The following WDTC1 variants were observed in gnomAD, a reference collection of about 807,000 sequenced individuals.
WDTC1 encodes the protein WD and tetratricopeptide repeats 1, also known as WD and tetratricopeptide repeats protein 1.
WDTC1 carries 12 observed loss-of-function variants against 76.0 expected under a neutral mutation model. The observed-to-expected ratio is 0.16, with a 90% CI of 0.10 to 0.26. The LOEUF (loss-of-function observed/expected upper bound fraction) is 0.26. WDTC1 is among the 10% of genes least tolerant of loss of function. The pLI, the probability that WDTC1 is intolerant of heterozygous loss-of-function variation, is 1.00. For missense variants in WDTC1, 511 were observed against 908.8 expected (o/e 0.56, Z 5.63); for synonymous variants, 326 against 350.8 (o/e 0.93, Z 0.79).
At position 27,263,201 on chromosome 1, in the gene WDTC1, T is replaced by C; in HGVS notation, c.98T>C (p.Phe33Ser). Reference sequence around the variant, plus strand: ...CGGCGCTACCATGTCACTGACCCCTTTATCCGGCGGCTGGGCCTGGAAGCA... The same window carrying C: ...CGGCGCTACCATGTCACTGACCCCTCTATCCGGCGGCTGGGCCTGGAAGCA... ...FERRYHVTDP[F>S]IRRLGLEAEL... The change falls in exon 3 of 16, where the codon TTT becomes TCT. Residue 33 changes from phenylalanine to serine, a missense_variant. Transcript: ENST00000319394. 1.9e-5 allele frequency: 31 copies of C among 1,613,580 alleles called. No homozygotes were observed. Among genetic ancestry groups the C allele is most frequent in the Non-Finnish European group, 2.6e-5 (31 of 1,179,836 alleles).
intron 1 of WDTC1, among the ~76,000 whole-genome samples, chr1:27,236,950 G>C (rs1307393108): frequency 6.6e-6 from 1 of 152,108 alleles, no homozygotes; most frequent in East Asian, 1.9e-4. Flanking sequence ...GCAATTCTCT[G>C]CTTCAGCCTC....
intron 3 of WDTC1, among the ~76,000 whole-genome samples, chr1:27,279,667 A>G (rs1301196227): frequency 1.3e-5 from 2 of 152,054 alleles, no homozygotes; most frequent in Non-Finnish European, 2.9e-5. Flanking sequence ...CCCGGATTCA[A>G]GTGATCCTCA....
intron 1 of WDTC1, among the ~76,000 whole-genome samples, chr1:27,242,582 G>A (rs553570502): frequency 2.5e-4 from 38 of 152,072 alleles, no homozygotes; most frequent in Non-Finnish European, 4.0e-4. Flanking sequence ...TGATTCTCCT[G>A]CCTCAGCCTC....
At chr1:27,264,316 G>T (rs1336524114) in intron 3 of WDTC1, among the ~76,000 whole-genome samples, 1 of 151,892 alleles carries the variant, frequency 6.6e-6, no homozygotes, top group South Asian at 2.1e-4. Context: ...AGAAAGCCAG[G>T]TTCAATGACA....
At chr1:27,263,758 C>T (rs1348322882) in intron 3 of WDTC1, among the ~76,000 whole-genome samples, 7 of 152,108 alleles carry the variant, frequency 4.6e-5, no homozygotes, top group African/African-American at 1.7e-4. Context: ...ATATTATTTG[C>T]TTTAAAAAAG....
intron 13 of WDTC1, among the ~76,000 whole-genome samples, chr1:27,302,539 A>G (rs969406571): frequency 1.3e-5 from 2 of 152,114 alleles, no homozygotes; most frequent in Non-Finnish European, 2.9e-5. Context: ...GTTCAATATC[A>G]GCTAGGACAA....
At chr1:27,263,902 T>C (rs1031888022) in intron 3 of WDTC1, among the ~76,000 whole-genome samples, 12 of 151,800 alleles carry the variant, frequency 7.9e-5, no homozygotes, top group African/African-American at 1.5e-4. Context: ...TACATATACA[T>C]ATACACATAA....
chr1:27,272,715 C>G (rs1040940283), intron 3 of WDTC1, among the ~76,000 whole-genome samples: 3 of 152,012 alleles, frequency 2.0e-5, no homozygotes, highest in African/African-American at 2.4e-5. Flanking sequence ...GAGTTGGAGA[C>G]CAGCCTGGGT....
chr1:27,294,472 A>C (rs911399097), intron 8 of WDTC1, 42 bp from the exon 9 acceptor site: 3 of 1,567,904 alleles, frequency 1.9e-6, no homozygotes, highest in Non-Finnish European at 2.6e-6. Context: ...TGCCCCTTTG[A>C]AAGGGACTGG....
chr1:27,285,355 C>T (rs1441897401), intron 5 of WDTC1, among the ~76,000 whole-genome samples: 6 of 151,692 alleles, frequency 4.0e-5, no homozygotes, highest in Non-Finnish European at 2.9e-5. Flanking sequence ...TTCTAATGGC[C>T]CTTAGAGAAG....
chr1:27,265,268 A>T (rs1377801697), intron 3 of WDTC1, among the ~76,000 whole-genome samples: 1 of 152,146 alleles, frequency 6.6e-6, no homozygotes, highest in Non-Finnish European at 1.5e-5. Flanking sequence ...TGACATTGCA[A>T]TGGGCTGAAT....
Position 27,303,580 on chromosome 1 carries a change from A to C in WDTC1, c.1469-41A>C, listed in dbSNP as rs746307747. On this transcript the variant is annotated intron_variant, in intron 13 of 15. Transcript: ENST00000319394. The surrounding 1 kb of genome is among the most constrained non-coding windows in gnomAD (Gnocchi z 4.8). ...GTGGGGGAAAATAGGGAAGGAGAGA[A>C]AGGAACAAGGCGCTTACCTTTTCTG... is the stretch of plus-strand genomic sequence containing the variant. 4.5e-5 allele frequency: 69 copies of C among 1,539,100 alleles called. No individual in the cohort carries two copies. Among genetic ancestry groups the C allele is most frequent in the Non-Finnish European group, 3.4e-5 (39 of 1,149,150 alleles).
chr1:27,279,693 A>G (rs2147956973), intron 3 of WDTC1, among the ~76,000 whole-genome samples: 1 of 152,058 alleles, frequency 6.6e-6, no homozygotes, highest in Non-Finnish European at 1.5e-5. Context: ...TAGCCTCCCC[A>G]GTAGCTGGGA....
chr1:27,289,482 A>G (rs1193976302), intron 6 of WDTC1, among the ~76,000 whole-genome samples: 6 of 125,320 alleles, frequency 4.8e-5, no homozygotes, highest in African/African-American at 9.5e-5. Flanking sequence ...CCGGGCAGAG[A>G]CGCTCCTCAC....
In WDTC1 at chr1:27,242,474, T is replaced by A. The variant is rs188501406; in HGVS notation, c.-100+7523T>A. Among the ~76,000 whole-genome samples, 212 of 151,912 alleles carry A rather than the reference T, an allele frequency of 1.4e-3. 1 individual carries two copies. Among genetic ancestry groups the A allele is most frequent in the African/African-American group, 4.7e-3 (197 of 41,474 alleles). On this transcript the variant is annotated intron_variant, in intron 1 of 15. Transcript: ENST00000319394. The stretch of plus-strand genomic sequence containing the variant: ...GAACAGAGCTAGACCCTGTCTCTTT[T>A]TTTTTTGAGACGGAGACGGAGTTTC...
At chr1:27,246,037 G>A (rs748373519) in intron 1 of WDTC1, among the ~76,000 whole-genome samples, 3 of 152,172 alleles carry the variant, frequency 2.0e-5, no homozygotes, top group African/African-American at 7.2e-5. Context: ...TTTACAAACG[G>A]CAGAATAGAC....
chr1:27,248,814 C>T (rs1433081216), intron 1 of WDTC1, among the ~76,000 whole-genome samples: 8 of 152,048 alleles, frequency 5.3e-5, no homozygotes, highest in South Asian at 2.1e-4. Context: ...TGTGCCACCA[C>T]GCCCAGCTAA....
intron 2 of WDTC1, 123 bp downstream of exon 2, chr1:27,261,225 G>C: frequency 1.9e-6 from 2 of 1,025,936 alleles, no homozygotes; most frequent in South Asian, 2.9e-5. Context: ...GCTAGTTAGT[G>C]GCAGACCCAG....
chr1:27,269,931 G>A (rs2012815393), intron 3 of WDTC1, among the ~76,000 whole-genome samples: 1 of 147,746 alleles, frequency 6.8e-6, no homozygotes, highest in Non-Finnish European at 1.5e-5. Context: ...TGTTGTTGTT[G>A]TTGTTGTTGT....
Sources: gnomAD v4.1 joint callset for allele counts (sites outside exome capture counted in the v4.1 genomes callset) on GRCh38, gnomAD v4.1.1 for gene constraint, Gnocchi (gnomAD v3.1) non-coding constraint, MANE v1.5 for transcripts, NCBI Gene and HGNC (gene_info 2026-07-23, HGNC 2026-07-21) for gene names.